The following PCDHGA10 variants were observed in gnomAD, a reference collection of about 807,000 sequenced individuals.
The protein encoded by PCDHGA10 is protocadherin gamma-A10.
PCDHGA10 carries 42 observed loss-of-function variants against 59.5 expected under a neutral mutation model. That is an observed-to-expected ratio of 0.71 (90% CI 0.55 to 0.91). The LOEUF (loss-of-function observed/expected upper bound fraction) is 0.91, where lower values mean the gene tolerates loss of function less well. Among genes scored for constraint, PCDHGA10 ranks in the 40% least tolerant of loss-of-function variants. The pLI, the probability that PCDHGA10 is intolerant of heterozygous loss-of-function variation, is 0.00. For missense variants in PCDHGA10, 1,111 were observed against 1,198.2 expected, an observed-to-expected ratio of 0.93 and a Z score of 1.07; for synonymous variants, 511 against 517.2, an observed-to-expected ratio of 0.99 and a Z score of 0.16.
intron 1 of PCDHGA10, chr5:141,428,769 T>A (rs1367357065): frequency 6.5e-6 from 1 of 154,242 alleles, no homozygotes; most frequent in Non-Finnish European, 1.4e-5. Flanking sequence ...TTGCCCACTC[T>A]TAATATTTCC....
chr5:141,431,408 G>A lies in PCDHGA10; in HGVS notation c.2436+15797G>A. ...CCACCTGGTCCTTACGGCCTCCGAC[G>A]GGGGCGACCCGGTGCGCACAGGCAC... On this transcript the variant is annotated intron_variant, in intron 1 of 3. Transcript: ENST00000398610. The surrounding 1 kb of genome is among the most constrained non-coding windows in gnomAD (Gnocchi z 4.8). 6.2e-7 allele frequency: 1 copy of A among 1,613,718 alleles called. No individual in the cohort carries two copies. The highest frequency in any genetic ancestry group is 2.2e-5 in the East Asian group (1 of 44,882).
At chr5:141,475,803 G>T in intron 1 of PCDHGA10, 1 of 319,920 alleles carries the variant, frequency 3.1e-6, no homozygotes, top group Non-Finnish European at 5.7e-6. Flanking sequence ...GAAGCCAAAG[G>T]AAAGTGAAGT....
At chr5:141,426,407 C>T (rs974898367) in intron 1 of PCDHGA10, 5 of 257,632 alleles carry the variant, frequency 1.9e-5, no homozygotes, top group African/African-American at 6.6e-5. Context: ...CCAGAAGAAA[C>T]GGTCCAGGGC....
chr5:141,427,871 G>T, intron 1 of PCDHGA10: 1 of 1,559,532 alleles, frequency 6.4e-7, no homozygotes, highest in Non-Finnish European at 8.8e-7. Flanking sequence ...TCGAGCTCAC[G>T]ATGCAGGCCC....
intron 1 of PCDHGA10, chr5:141,422,528 C>T: frequency 5.0e-6 from 8 of 1,614,018 alleles, no homozygotes; most frequent in Non-Finnish European, 5.1e-6. Flanking sequence ...CCGCCTTTGT[C>T]TGCAGAAACT....
At chr5:141,423,183 G>GCCCCCTCTCTCGGCCAC (rs760086052) in intron 1 of PCDHGA10, 8 of 1,613,570 alleles carry the variant, frequency 5.0e-6, no homozygotes, top group Non-Finnish European at 6.8e-6. Context: ...ACCACGGCCA[G>GCCCCCTCTCTCGGCCAC]CCCCCTCTCT....
At chr5:141,422,470 T>G in intron 1 of PCDHGA10, 1 of 1,613,440 alleles carries the variant, frequency 6.2e-7, no homozygotes, top group South Asian at 1.1e-5. Flanking sequence ...GGACAGGGAG[T>G]TGGTCCAGAG....
chr5:141,483,442 AATCATCAGGACTTGTTG>A (rs2099581330), intron 1 of PCDHGA10, among the ~76,000 whole-genome samples: 1 of 152,196 alleles, frequency 6.6e-6, no homozygotes, highest in Non-Finnish European at 1.5e-5. Context: ...ACTACAATAA[AATCATCAGGACTTGTTG>A]ATTGACATGA....
At chr5:141,419,602 C>G (rs757423030) in intron 1 of PCDHGA10, 3 of 1,611,874 alleles carry the variant, frequency 1.9e-6, no homozygotes, top group African/African-American at 2.7e-5. Context: ...TGCCGCGGGC[C>G]GCGCAGCCAG....
chr5:141,491,109 A>G lies in PCDHGA10; in HGVS notation c.2437-3698A>G, dbSNP rs1039906987. 4.3e-6 allele frequency: 7 copies of G among 1,614,074 alleles called. No individual in the cohort carries two copies. The African/African-American group carries it at 9.3e-5, about 22-fold the overall frequency. ...CCCCAGGACTGTTCCTCGTGTCTAC[A>G]CACACTGGTGAGGTGCGCACAGCCC... On this transcript the variant is annotated intron_variant, in intron 1 of 3. Coordinates refer to ENST00000398610, the MANE Select transcript of PCDHGA10 (RefSeq NM_018913.3). The surrounding 1 kb of genome is among the most constrained non-coding windows in gnomAD (Gnocchi z 6.9).
rs759809591 is a variant in PCDHGA10 at position 141,511,048 on chromosome 5, C to T, written c.2686C>T (p.Arg896Cys). The change falls in exon 4 of 4, where the codon CGC becomes TGC. Residue 896 changes from arginine (R) to cysteine (C), a missense_variant. Coordinates refer to ENST00000398610, the MANE Select transcript of PCDHGA10 (RefSeq NM_018913.3). ...QFTLQHVPDY[R>C]QNVYIPGSNA... ...CACCCTGCAGCACGTGCCCGACTAC[C>T]GCCAGAATGTCTACATCCCAGGCAG... 9 of 1,614,224 alleles carry T rather than the reference C, an allele frequency of 5.6e-6. No individual in the cohort carries two copies. The highest frequency in any genetic ancestry group is 1.7e-5 in the Admixed American group (1 of 60,034).
At chr5:141,456,099 G>A (rs1428094221) in intron 1 of PCDHGA10, among the ~76,000 whole-genome samples, 5 of 151,980 alleles carry the variant, frequency 3.3e-5, no homozygotes, top group East Asian at 1.9e-4. Flanking sequence ...GGATTTCACC[G>A]TGTTAGCCAG....
chr5:141,453,323 G>A (rs1313870724), intron 1 of PCDHGA10, among the ~76,000 whole-genome samples: 1 of 151,482 alleles, frequency 6.6e-6, no homozygotes, highest in Non-Finnish European at 1.5e-5. Context: ...TTTAGAGATG[G>A]GGTCTCACTA....
intron 2 of PCDHGA10, among the ~76,000 whole-genome samples, chr5:141,499,879 G>C (rs1470090790): frequency 9.2e-5 from 14 of 151,952 alleles, no homozygotes. Flanking sequence ...GTACAAACAG[G>C]GTTTCGCCAT....
rs538764130 is a variant in PCDHGA10, at chr5:141,413,762, C to T, written c.587C>T (p.Pro196Leu). The change falls in exon 1 of 4, where the codon CCG becomes CTG. Residue 196 changes from proline to leucine, a missense_variant. Coordinates refer to ENST00000398610, the MANE Select transcript of PCDHGA10 (RefSeq NM_018913.3). ...VQSRANGVKY[P>L]ELVLEHSLDR... ...AGCCGTGCCAATGGCGTCAAGTACC[C>T]GGAGCTGGTACTGGAGCACTCCCTA... 1.9e-6 allele frequency: 3 copies of T among 1,612,894 alleles called. No homozygotes were observed. The highest frequency in any genetic ancestry group is 1.7e-5 in the Admixed American group (1 of 59,984).
chr5:141,436,594 G>A (rs79477223), intron 1 of PCDHGA10, among the ~76,000 whole-genome samples: 2 of 152,106 alleles, frequency 1.3e-5, no homozygotes, highest in African/African-American at 2.4e-5. Flanking sequence ...AAAGGTCGTG[G>A]TGATGGCTAG....
At chr5:141,417,954 C>A (rs2096198021) in intron 1 of PCDHGA10, 3 of 1,613,600 alleles carry the variant, frequency 1.9e-6, no homozygotes, top group South Asian at 1.1e-5. Flanking sequence ...CTGTGTGAGC[C>A]GATCCGCTAC....
At position 141,432,202 on chromosome 5, in the gene PCDHGA10, T is replaced by C; in HGVS notation, c.2436+16591T>C. 1 of 1,614,120 alleles carries C rather than the reference T, an allele frequency of 6.2e-7. No homozygotes were observed. The highest frequency in any genetic ancestry group is 1.1e-5 in the South Asian group (1 of 91,072). ...CTGTGACCGCCCACGACCCCGACTGTGAAGAGAACGCCCAGATCACTTATT... is the reference window on the plus strand; with the variant it reads ...CTGTGACCGCCCACGACCCCGACTGCGAAGAGAACGCCCAGATCACTTATT... On this transcript the variant is annotated intron_variant, in intron 1 of 3. Coordinates refer to ENST00000398610, the MANE Select transcript of PCDHGA10 (RefSeq NM_018913.3). The surrounding 1 kb of genome is among the most constrained non-coding windows in gnomAD (Gnocchi z 6.0).
At position 141,487,577 on chromosome 5, in the gene PCDHGA10, C is replaced by T; in HGVS notation, c.2437-7230C>T. 1 of 1,614,150 alleles carries T rather than the reference C, an allele frequency of 6.2e-7. No homozygotes were observed. Among genetic ancestry groups the T allele is most frequent in the Non-Finnish European group, 8.5e-7 (1 of 1,180,024 alleles). On this transcript the variant is annotated intron_variant, in intron 1 of 3. Transcript: ENST00000398610. This position sits in a 1 kb window ranked among gnomAD's most constrained non-coding sequence, Gnocchi z 5.0. ...ACCTATGGCAGGGGAGCCTGTTCGCCCAAGCTGCCCACCCTCTGATCTTCT... is the reference window on the plus strand; with the variant it reads ...ACCTATGGCAGGGGAGCCTGTTCGCTCAAGCTGCCCACCCTCTGATCTTCT...
Sources: gnomAD v4.1 joint callset for allele counts (sites outside exome capture counted in the v4.1 genomes callset) on GRCh38, gnomAD v4.1.1 for gene constraint, Gnocchi (gnomAD v3.1) non-coding constraint, MANE v1.5 for transcripts, NCBI Gene and HGNC (gene_info 2026-07-23, HGNC 2026-07-21) for gene names.